The following DCBLD2 variants were observed in gnomAD, a reference collection of about 807,000 sequenced individuals.
DCBLD2 encodes the protein discoidin, CUB and LCCL domain-containing protein 2.
DCBLD2 carries 54 observed loss-of-function variants against 86.8 expected under a neutral mutation model. That is an observed-to-expected ratio of 0.62 (90% confidence interval 0.50 to 0.78). DCBLD2 has a LOEUF of 0.78. Among genes scored for constraint, DCBLD2 ranks in the 30% least tolerant of loss-of-function variants. The pLI is 0.00. For synonymous variants in DCBLD2, 354 were observed against 341.3 expected, an observed-to-expected ratio of 1.04 and a Z score of -0.41; for missense variants, 908 against 954.2, an observed-to-expected ratio of 0.95 and a Z score of 0.64.
rs1376553986 is a variant in DCBLD2, at chr3:98,820,249, A to G, written c.870T>C (p.Ser290=). Residue 290 remains serine (S), a splice_region_variant and synonymous_variant, in exon 7 of 16, where the codon AGT becomes AGC. Coordinates refer to ENST00000326840, the MANE Select transcript of DCBLD2 (RefSeq NM_080927.4). ...TTATAAAGTCCATAAAAGGCTTACC[A>G]CTTGTCTTAAATGTAAAAAGACTTG... ...LSTSLFTFKT[S]GCYGTLGMES... 1.4e-6 allele frequency: 2 copies of G among 1,463,522 alleles called. No homozygotes were observed. The highest frequency in any genetic ancestry group is 1.8e-6 in the Non-Finnish European group (2 of 1,109,134). 90.7% of individuals were successfully genotyped at this position (1,463,522 alleles called of 1,614,324 possible).
chr3:98,799,559 G>A lies in DCBLD2; in HGVS notation c.2141C>T (p.Thr714Ile). 1 of 1,614,010 alleles carries A rather than the reference G, an allele frequency of 6.2e-7. No homozygotes were observed. The highest frequency in any genetic ancestry group is 8.5e-7 in the Non-Finnish European group (1 of 1,179,888). The change falls in exon 16 of 16, where the codon ACT (threonine) becomes ATT (isoleucine). Residue 714 changes from threonine to isoleucine, a missense_variant. Around this residue, in one of 3 missense-constraint regions of DCBLD2, gnomAD observed 606 missense variants for 678.5 expected, o/e 0.89. Coordinates refer to ENST00000326840, the MANE Select transcript of DCBLD2 (RefSeq NM_080927.4). ...AGTCCTGGAGAGAAGTGTATTGTAA[G>A]TTCCCACTAGTGGGGGAGGTTGGTT... is the stretch of plus-strand genomic sequence containing the variant. Reference protein sequence around the residue: ...TGNQPPPLVGTYNTLLSRTDS... With the variant: ...TGNQPPPLVGIYNTLLSRTDS...
chr3:98,901,398 C>T lies in DCBLD2; in HGVS notation c.-72G>A. The T allele has an allele frequency of 1.6e-6, 2 of 1,251,262 alleles. No homozygotes were observed. The highest frequency in any genetic ancestry group is 2.0e-6 in the Non-Finnish European group (2 of 1,000,852). 77.5% of individuals were successfully genotyped at this position (1,251,262 alleles called of 1,614,324 possible). ...CCCGCGCGCCTCTGGCCGCGGCACC[C>T]GACCAGGAGACGGCGGCAGCGGCGG... is the stretch of plus-strand genomic sequence containing the variant. On this transcript the variant is annotated 5_prime_UTR_variant, in exon 1 of 16. Transcript: ENST00000326840.
In DCBLD2 at chr3:98,819,409, C is replaced by T. The variant is rs1276655214; in HGVS notation, c.880G>A (p.Gly294Arg). Residue 294 changes from glycine to arginine, a missense_variant, in exon 8 of 16, where the codon GGA (glycine) becomes AGA (arginine). Gly to Arg is a moderately radical substitution (Grantham distance 125). Around this residue, in one of 3 missense-constraint regions of DCBLD2, gnomAD observed 606 missense variants for 678.5 expected, o/e 0.89. Transcript: ENST00000326840. Reference sequence around the variant, plus strand: ...ACACCAGACTCCATCCCCAGTGTTCCATAACATCCTGAAACAAAGAAAAGA... The same window carrying T: ...ACACCAGACTCCATCCCCAGTGTTCTATAACATCCTGAAACAAAGAAAAGA... ...LFTFKTSGCY[G>R]TLGMESGVIA... 6.2e-7 allele frequency: 1 copy of T among 1,613,740 alleles called. No homozygotes were observed. The highest frequency in any genetic ancestry group is 1.7e-5 in the Admixed American group (1 of 60,014).
chr3:98,801,752 G>T (rs892688024), intron 13 of DCBLD2, 103 bp from the exon 14 acceptor site: 12 of 775,190 alleles, frequency 1.5e-5, no homozygotes, highest in Non-Finnish European at 2.5e-5. Context: ...TCCCCTTCCT[G>T]TGTCCAAGTG....
At chr3:98,886,904 G>T (rs1943574230) in intron 1 of DCBLD2, among the ~76,000 whole-genome samples, 1 of 147,082 alleles carries the variant, frequency 6.8e-6, no homozygotes, top group Non-Finnish European at 1.5e-5. Context: ...AAGAATGCAT[G>T]CTTTTTTAGG....
intron 3 of DCBLD2, among the ~76,000 whole-genome samples, chr3:98,829,025 G>C (rs1311953811): frequency 6.6e-6 from 1 of 152,120 alleles, no homozygotes; most frequent in African/African-American, 2.4e-5. Context: ...GGAGAGAAAT[G>C]GGGAATAACT....
chr3:98,812,208 G>A, intron 10 of DCBLD2, 124 bp downstream of exon 10: 1 of 1,311,584 alleles, frequency 7.6e-7, no homozygotes, highest in Non-Finnish European at 1.0e-6. Flanking sequence ...CCTTTAAGAA[G>A]ATATTGTAAT....
intron 13 of DCBLD2, among the ~76,000 whole-genome samples, chr3:98,803,081 T>C (rs1325337630): frequency 2.0e-5 from 3 of 152,238 alleles, no homozygotes; most frequent in South Asian, 2.1e-4. Context: ...TCCAATTTTG[T>C]GAAGAAAGTC....
At chr3:98,800,280 G>A (rs999214650) in intron 15 of DCBLD2, among the ~76,000 whole-genome samples, 2 of 152,064 alleles carry the variant, frequency 1.3e-5, no homozygotes, top group African/African-American at 4.8e-5. Context: ...AACACTGTAA[G>A]GCTTCTTCTG....
intron 2 of DCBLD2, among the ~76,000 whole-genome samples, chr3:98,862,282 C>T (rs757138134): frequency 6.6e-6 from 1 of 152,132 alleles, no homozygotes; most frequent in Non-Finnish European, 1.5e-5. Flanking sequence ...CCAAATTCTA[C>T]CAGAGGTACA....
rs572869243 is a variant in DCBLD2 at position 98,795,994 on chromosome 3, C to A, written c.*3378G>T. ...TTATAGTATAAGGAAAAGCTACAAACCTCAAGGTTGTTTTATTTAAACCAA... is the reference window on the plus strand; with the variant it reads ...TTATAGTATAAGGAAAAGCTACAAAACTCAAGGTTGTTTTATTTAAACCAA... On this transcript the variant is annotated 3_prime_UTR_variant, in exon 16 of 16. Transcript: ENST00000326840. 5 of 152,622 alleles carry A rather than the reference C, an allele frequency of 3.3e-5. No homozygotes were observed. The East Asian group carries it at 9.7e-4, about 29-fold the overall frequency. 9.5% of individuals were successfully genotyped at this position (152,622 alleles called of 1,614,324 possible).
chr3:98,886,386 C>CTT (rs1943563114), intron 1 of DCBLD2, among the ~76,000 whole-genome samples: 1 of 151,898 alleles, frequency 6.6e-6, no homozygotes, highest in African/African-American at 2.4e-5. Context: ...CAGGCTACAC[C>CTT]ACCTACTATT....
At chr3:98,851,809 TAAC>T (rs1289107079) in intron 2 of DCBLD2, among the ~76,000 whole-genome samples, 2 of 152,156 alleles carry the variant, frequency 1.3e-5, no homozygotes, top group Non-Finnish European at 2.9e-5. Context: ...TTGACAAACC[TAAC>T]AAAAACAAGC....
chr3:98,860,933 T>A (rs1213244351), intron 2 of DCBLD2, among the ~76,000 whole-genome samples: 1 of 152,132 alleles, frequency 6.6e-6, no homozygotes, highest in Non-Finnish European at 1.5e-5. Flanking sequence ...GACTGGCAAA[T>A]TGGATAAAGA....
chr3:98,827,576 G>A (rs1350681062), intron 3 of DCBLD2, among the ~76,000 whole-genome samples: 1 of 152,204 alleles, frequency 6.6e-6, no homozygotes, highest in Non-Finnish European at 1.5e-5. Context: ...TTCCATGGAA[G>A]TTCAAAGAGC....
chr3:98,847,445 G>C (rs1283528842), intron 3 of DCBLD2, among the ~76,000 whole-genome samples: 1 of 152,150 alleles, frequency 6.6e-6, no homozygotes, highest in Non-Finnish European at 1.5e-5. Context: ...TCATCCAAAT[G>C]AATTTTCCTT....
intron 1 of DCBLD2, among the ~76,000 whole-genome samples, chr3:98,887,719 AAAG>A (rs1470910071): frequency 6.6e-6 from 1 of 152,036 alleles, no homozygotes; most frequent in African/African-American, 2.4e-5. Flanking sequence ...AACTGAATAG[AAAG>A]AACAGATATT....
At chr3:98,806,152 ATGT>A (rs1941834932) in intron 13 of DCBLD2, among the ~76,000 whole-genome samples, 1 of 152,186 alleles carries the variant, frequency 6.6e-6, no homozygotes, top group African/African-American at 2.4e-5. Context: ...GTAGAGGTGC[ATGT>A]TGTCAAGACT....
intron 3 of DCBLD2, among the ~76,000 whole-genome samples, chr3:98,847,587 A>G (rs1051819531): frequency 2.0e-5 from 3 of 152,176 alleles, no homozygotes; most frequent in African/African-American, 7.2e-5. Flanking sequence ...TCAATAAGAC[A>G]TATCGTGTTT....
Sources: allele counts gnomAD v4.1 joint callset (sites outside exome capture counted in the v4.1 genomes callset), GRCh38; gene constraint gnomAD v4.1.1; regional missense constraint gnomAD v4.1.1; transcripts MANE v1.5; gene names NCBI Gene and HGNC (gene_info 2026-07-23, HGNC 2026-07-21).